RPS6KA5: variants seen among roughly 807,000 people sequenced by gnomAD.
RPS6KA5 encodes the protein ribosomal protein S6 kinase A5.
Under a neutral mutation model 85.5 loss-of-function variants are expected in RPS6KA5, and 27 were observed. The ratio of observed to expected loss-of-function variants is 0.32; its 90% CI spans 0.23 to 0.44. The LOEUF is 0.44. Ranked by LOEUF, RPS6KA5 falls within the 20% of genes least tolerant of loss-of-function variation. RPS6KA5 has a pLI of 1.00. For synonymous variants in RPS6KA5, 334 were observed against 348.2 expected (o/e 0.96, Z 0.46); for missense variants, 811 against 980.9 (o/e 0.83, Z 2.31).
chr14:90,917,802 T>TC (rs887132083), intron 7 of RPS6KA5, among the ~76,000 whole-genome samples: 1 of 151,956 alleles, frequency 6.6e-6, no homozygotes, highest in Admixed American at 6.6e-5. Flanking sequence ...GCTCAAGCAA[T>TC]CCCCCCACCT....
chr14:90,967,169 T>C lies in RPS6KA5; in HGVS notation c.394+11137A>G, dbSNP rs1347517299. ...TTACAGTCCATACAATGGAATACCT[T>C]ATATGATCCTTGTGCCAATGATTTG... On this transcript the variant is annotated intron_variant, in intron 3 of 16. Transcript: ENST00000614987. 4.6e-5 allele frequency among the ~76,000 whole-genome samples: 7 copies of C among 152,340 alleles called. No homozygotes were observed. In the East Asian group the frequency reaches 9.7e-4, roughly 21 times the overall value.
chr14:91,052,417 G>A (rs756030280), intron 1 of RPS6KA5: 23 of 367,592 alleles, frequency 6.3e-5, no homozygotes, highest in Admixed American at 1.5e-4. Context: ...ATAGTGAGCC[G>A]AGATCAGCAC....
At chr14:90,951,113 A>G (rs1327206636) in intron 3 of RPS6KA5, among the ~76,000 whole-genome samples, 1 of 86,460 alleles carries the variant, frequency 1.2e-5, no homozygotes, top group Non-Finnish European at 2.3e-5. Flanking sequence ...AGAGAGACTC[A>G]GTCTCAAAAA....
At chr14:90,901,231 A>C (rs2035151141) in intron 9 of RPS6KA5, among the ~76,000 whole-genome samples, 1 of 152,026 alleles carries the variant, frequency 6.6e-6, no homozygotes, top group East Asian at 1.9e-4. Context: ...CAGCCTCCCA[A>C]GTAGCTGGGA....
chr14:90,917,915 ATTTG>A (rs2036208590), intron 7 of RPS6KA5, among the ~76,000 whole-genome samples: 1 of 152,128 alleles, frequency 6.6e-6, no homozygotes, highest in Non-Finnish European at 1.5e-5. Context: ...ATAAACCACA[ATTTG>A]TTTAACCACT....
intron 3 of RPS6KA5, among the ~76,000 whole-genome samples, chr14:90,951,865 C>T (rs755257287): frequency 1.1e-4 from 17 of 152,178 alleles, no homozygotes; most frequent in South Asian, 1.0e-3. Flanking sequence ...CATGTCCGGA[C>T]TGCGAGTATG....
Position 90,971,895 on chromosome 14 carries a change from T to G in RPS6KA5, c.394+6411A>C, listed in dbSNP as rs570797982. 4.6e-5 allele frequency among the ~76,000 whole-genome samples: 7 copies of G among 152,288 alleles called. No individual in the cohort carries two copies. The East Asian group carries it at 1.2e-3, about 25-fold the overall frequency. On this transcript the variant is annotated intron_variant, in intron 3 of 16. Coordinates refer to ENST00000614987, the MANE Select transcript of RPS6KA5 (RefSeq NM_004755.4). ...GGTTCAGGGCAGGCTAAGAAGGAACTGGGCAAGACATGAGCAATGTGGGAA... is the reference window on the plus strand; with the variant it reads ...GGTTCAGGGCAGGCTAAGAAGGAACGGGGCAAGACATGAGCAATGTGGGAA...
At chr14:90,888,378 A>T (rs184998532) in intron 14 of RPS6KA5, among the ~76,000 whole-genome samples, 33 of 152,348 alleles carry the variant, frequency 2.2e-4, no homozygotes, top group Admixed American at 9.1e-4. Context: ...CTAAAAATGA[A>T]AGTCTCTTTT....
At chr14:91,003,352 A>C (rs1217455897) in intron 1 of RPS6KA5, among the ~76,000 whole-genome samples, 1 of 152,198 alleles carries the variant, frequency 6.6e-6, no homozygotes, top group African/African-American at 2.4e-5. Flanking sequence ...CTTTCATAGG[A>C]AATTAAAAGA....
At chr14:90,900,553 GTATT>G in intron 10 of RPS6KA5, 54 bp downstream of exon 10, 1 of 1,527,392 alleles carries the variant, frequency 6.5e-7, no homozygotes, top group African/African-American at 1.4e-5. Context: ...ATTAGAGTTG[GTATT>G]TAAACACTCA....
At chr14:90,896,768 T>A (rs1469236311) in intron 12 of RPS6KA5, among the ~76,000 whole-genome samples, 5 of 152,318 alleles carry the variant, frequency 3.3e-5, no homozygotes, top group African/African-American at 1.2e-4. Flanking sequence ...TCACCCAGGC[T>A]GGAGTGCAGT....
chr14:90,890,174 G>A (rs896009686), intron 14 of RPS6KA5, among the ~76,000 whole-genome samples: 3 of 152,042 alleles, frequency 2.0e-5, no homozygotes, highest in African/African-American at 7.2e-5. Context: ...GAATCATTTT[G>A]CTATTTTCAC....
intron 7 of RPS6KA5, among the ~76,000 whole-genome samples, chr14:90,917,820 C>T (rs1471932932): frequency 1.3e-5 from 2 of 152,182 alleles, no homozygotes; most frequent in Non-Finnish European, 2.9e-5. Context: ...CCTCACCCTC[C>T]TCAGCAACTG....
intron 1 of RPS6KA5, among the ~76,000 whole-genome samples, chr14:91,010,975 A>G (rs1260552427): frequency 6.6e-6 from 1 of 152,186 alleles, no homozygotes; most frequent in Non-Finnish European, 1.5e-5. Context: ...TGGTCTCTGA[A>G]GGAAGTACCA....
At chr14:91,013,881 G>A (rs2041367231) in intron 1 of RPS6KA5, among the ~76,000 whole-genome samples, 1 of 152,212 alleles carries the variant, frequency 6.6e-6, no homozygotes, top group South Asian at 2.1e-4. Flanking sequence ...TAGGGAAAGG[G>A]AGGAAGACGT....
rs1242602440 is a variant in RPS6KA5, at chr14:90,862,839, C to A, written c.*9235G>T. Reference sequence around the variant, plus strand: ...TATATCCATTGATATATGAAAAGGGCAATACATCATGAAAATGGAATTTAT... The same window carrying A: ...TATATCCATTGATATATGAAAAGGGAAATACATCATGAAAATGGAATTTAT... On this transcript the variant is annotated 3_prime_UTR_variant, in exon 17 of 17. Coordinates refer to ENST00000614987, the MANE Select transcript of RPS6KA5 (RefSeq NM_004755.4). The A allele has an allele frequency of 6.6e-6, 1 of 151,750 alleles. No homozygotes were observed. Among genetic ancestry groups the A allele is most frequent in the African/African-American group, 2.4e-5 (1 of 41,266 alleles). 9.4% of individuals were successfully genotyped at this position (151,750 alleles called of 1,614,324 possible).
intron 5 of RPS6KA5, among the ~76,000 whole-genome samples, chr14:90,926,838 T>C (rs1041962523): frequency 6.6e-6 from 1 of 152,064 alleles, no homozygotes; most frequent in African/African-American, 2.4e-5. Context: ...ATCTAACGTA[T>C]GTATTTCATA....
chr14:90,913,334 CTTGT>C (rs1187048663), intron 7 of RPS6KA5, among the ~76,000 whole-genome samples: 1 of 152,160 alleles, frequency 6.6e-6, no homozygotes, highest in Non-Finnish European at 1.5e-5. Context: ...AAGGAAAAAA[CTTGT>C]TTCTTTTACA....
At chr14:90,902,163 CAG>C (rs1331287589) in intron 9 of RPS6KA5, among the ~76,000 whole-genome samples, 1 of 148,276 alleles carries the variant, frequency 6.7e-6, no homozygotes, top group Non-Finnish European at 1.5e-5. Context: ...GCCTGGGTGA[CAG>C]AGTGAGACCT....
Sources: gnomAD v4.1 joint callset for allele counts (sites outside exome capture counted in the v4.1 genomes callset) on GRCh38, gnomAD v4.1.1 for gene constraint, MANE v1.5 for transcripts, NCBI Gene and HGNC (gene_info 2026-07-23, HGNC 2026-07-21) for gene names.